Variants in TMCC3 observed in about 807,000 individuals in gnomAD.
TMCC3 encodes transmembrane and coiled-coil domain family 3, also known as transmembrane and coiled-coil domain protein 3.
TMCC3 carries 28 observed loss-of-function variants against 40.2 expected under a neutral mutation model. That is an observed-to-expected ratio of 0.70 (90% CI 0.52 to 0.95). The LOEUF is 0.95. Ranked by LOEUF, TMCC3 falls within the 40% of genes least tolerant of loss-of-function variation. The pLI is 0.00. For synonymous variants in TMCC3, 255 were observed against 248.5 expected (o/e 1.03, Z -0.25); for missense variants, 554 against 615.2 (o/e 0.90, Z 1.05).
intron 3 of TMCC3, among the ~76,000 whole-genome samples, chr12:94,571,972 T>A (rs1387491775): frequency 1.3e-5 from 2 of 152,176 alleles, no homozygotes; most frequent in Non-Finnish European, 1.5e-5. Context: ...CAAAATACCA[T>A]AAATGAGGAA....
intron 1 of TMCC3, among the ~76,000 whole-genome samples, chr12:94,628,342 C>A (rs1261562348): frequency 1.3e-5 from 2 of 152,150 alleles, no homozygotes; most frequent in African/African-American, 4.8e-5. Flanking sequence ...AAAAAACCCG[C>A]CTGGAGGCTT....
chr12:94,590,402 G>T (rs2068666688), intron 1 of TMCC3, among the ~76,000 whole-genome samples: 1 of 151,198 alleles, frequency 6.6e-6, no homozygotes, highest in Non-Finnish European at 1.5e-5. Flanking sequence ...ATAACTTTAT[G>T]AAGATAAAAA....
chr12:94,630,946 C>A (rs1253756605), intron 1 of TMCC3, among the ~76,000 whole-genome samples: 1 of 152,142 alleles, frequency 6.6e-6, no homozygotes, highest in Non-Finnish European at 1.5e-5. Flanking sequence ...CCAGGCTGGT[C>A]TCAAACTCCT....
intron 1 of TMCC3, among the ~76,000 whole-genome samples, chr12:94,623,783 C>A (rs952405745): frequency 6.6e-6 from 1 of 152,232 alleles, no homozygotes; most frequent in Non-Finnish European, 1.5e-5. Context: ...AGCCTTCCAA[C>A]CCTGGACCTC....
intron 3 of TMCC3, among the ~76,000 whole-genome samples, chr12:94,572,333 C>G (rs2068537128): frequency 4.3e-5 from 1 of 23,440 alleles, no homozygotes; most frequent in African/African-American, 1.4e-4. Flanking sequence ...TTTTTTGAGA[C>G]AGAGTTTCAC....
At chr12:94,597,120 A>AATAT (rs768080145) in intron 1 of TMCC3, among the ~76,000 whole-genome samples, 7 of 5,486 alleles carry the variant, frequency 1.3e-3, no homozygotes, top group African/African-American at 2.7e-3. Flanking sequence ...TCTCTATTAA[A>AATAT]ATACATATAT....
chr12:94,602,586 C>G (rs2068759355), intron 1 of TMCC3, among the ~76,000 whole-genome samples: 1 of 152,052 alleles, frequency 6.6e-6, no homozygotes, highest in Non-Finnish European at 1.5e-5. Flanking sequence ...ACTGAAACTC[C>G]AAGTCTTGCT....
At chr12:94,620,232 G>C (rs1280932802) in intron 1 of TMCC3, among the ~76,000 whole-genome samples, 1 of 151,754 alleles carries the variant, frequency 6.6e-6, no homozygotes, top group African/African-American at 2.4e-5. Flanking sequence ...GCTGGAAAAA[G>C]ACACTTTAAT....
At chr12:94,640,375 G>A (rs2068983131) in intron 1 of TMCC3, among the ~76,000 whole-genome samples, 1 of 152,034 alleles carries the variant, frequency 6.6e-6, no homozygotes, top group African/African-American at 2.4e-5. Flanking sequence ...GTAGAGATGG[G>A]GTTTGGCCAT....
chr12:94,600,327 C>T (rs1236358311), intron 1 of TMCC3, among the ~76,000 whole-genome samples: 1 of 146,308 alleles, frequency 6.8e-6, no homozygotes, highest in African/African-American at 2.5e-5. Flanking sequence ...TCTTAATCCA[C>T]ATCCTCATTT....
At position 94,578,165 on chromosome 12, in the gene TMCC3, A is replaced by G. The variant is rs201662337; in HGVS notation, c.1131+229T>C. ...TCACCTCAAAAAAAAAAAAAAAAAA[A>G]AAAGAAAAAGAAAAAGAAAAAAAAA... is the stretch of plus-strand genomic sequence containing the variant. On this transcript the variant is annotated intron_variant, in intron 3 of 3. Coordinates refer to ENST00000261226, the MANE Select transcript of TMCC3 (RefSeq NM_020698.4). Among the ~76,000 whole-genome samples, 263 of 123,348 alleles carry G rather than the reference A, an allele frequency of 2.1e-3. 5 individuals are homozygous for G. Among genetic ancestry groups the G allele is most frequent in the African/African-American group, 6.4e-3 (189 of 29,528 alleles). The allele number at this position is 123,348 out of a possible 152,430, so 80.9% of individuals were successfully genotyped here.
intron 1 of TMCC3, among the ~76,000 whole-genome samples, chr12:94,603,964 T>C (rs2068767862): frequency 6.6e-6 from 1 of 152,352 alleles, no homozygotes; most frequent in East Asian, 1.9e-4. Context: ...GTAATGCATT[T>C]TGTCAGCTCT....
chr12:94,648,240 A>ATT, intron 1 of TMCC3, among the ~76,000 whole-genome samples: 1 of 151,802 alleles, frequency 6.6e-6, no homozygotes, highest in Non-Finnish European at 1.5e-5. Flanking sequence ...TTATTTATTT[A>ATT]TTTATTTATT....
intron 1 of TMCC3, among the ~76,000 whole-genome samples, chr12:94,588,605 T>C (rs1176283545): frequency 1.3e-5 from 2 of 152,216 alleles, no homozygotes; most frequent in Non-Finnish European, 2.9e-5. Flanking sequence ...GATTTATGCA[T>C]AGGTCCACAA....
intron 3 of TMCC3, among the ~76,000 whole-genome samples, chr12:94,575,926 G>A (rs1019980768): frequency 1.3e-5 from 2 of 151,990 alleles, no homozygotes; most frequent in African/African-American, 4.8e-5. Context: ...AAGTTTATAG[G>A]CATGCCACCA....
chr12:94,635,610 C>T (rs1356445072), intron 1 of TMCC3, among the ~76,000 whole-genome samples: 2 of 150,862 alleles, frequency 1.3e-5, no homozygotes, highest in East Asian at 3.9e-4. Context: ...TTGGTCTTTC[C>T]TTACTGTAAA....
chr12:94,625,439 C>CA (rs2068899119), intron 1 of TMCC3, among the ~76,000 whole-genome samples: 1 of 151,366 alleles, frequency 6.6e-6, no homozygotes, highest in African/African-American at 2.4e-5. Context: ...ACTAAAAATA[C>CA]AAAAATTAGC....
chr12:94,597,124 C>CATACATACATAT (rs1491316794), intron 1 of TMCC3, among the ~76,000 whole-genome samples: 2 of 29,836 alleles, frequency 6.7e-5, no homozygotes, highest in Non-Finnish European at 9.6e-5. Flanking sequence ...TATTAAAATA[C>CATACATACATAT]ATATATATAT....
chr12:94,600,527 T>C (rs965359431), intron 1 of TMCC3, among the ~76,000 whole-genome samples: 3 of 152,226 alleles, frequency 2.0e-5, no homozygotes, highest in African/African-American at 7.2e-5. Flanking sequence ...CTCCCCTTGC[T>C]GGTACTTAAG....
Sources: allele counts gnomAD v4.1 joint callset (sites outside exome capture counted in the v4.1 genomes callset), GRCh38; gene constraint gnomAD v4.1.1; transcripts MANE v1.5; gene names NCBI Gene and HGNC (gene_info 2026-07-23, HGNC 2026-07-21).